Variants in PTPRD observed in about 807,000 individuals in gnomAD.
PTPRD encodes protein tyrosine phosphatase receptor type D.
PTPRD carries 34 observed loss-of-function variants against 214.5 expected under a neutral mutation model. That is an observed-to-expected ratio of 0.16 (90% confidence interval 0.12 to 0.21). The LOEUF is 0.21. PTPRD is among the 10% of genes least tolerant of loss of function. The pLI is 1.00. For synonymous variants in PTPRD, 1,128 were observed against 845.7 expected (o/e 1.33, Z -5.79); for missense variants, 2,545 against 2,398.7 (o/e 1.06, Z -1.27).
At chr9:10,482,248 G>A (rs540857835) in intron 2 of PTPRD, among the ~76,000 whole-genome samples, 126 of 152,010 alleles carry the variant, frequency 8.3e-4, no homozygotes, top group African/African-American at 3.0e-3. Flanking sequence ...GCGGGTGCCT[G>A]TAGTCCCAGC....
At chr9:10,610,239 T>A (rs1453650556) in intron 2 of PTPRD, among the ~76,000 whole-genome samples, 1 of 152,178 alleles carries the variant, frequency 6.6e-6, no homozygotes, top group East Asian at 1.9e-4. Flanking sequence ...ATCAAATGCA[T>A]GTGCAAGCTT....
intron 33 of PTPRD, among the ~76,000 whole-genome samples, chr9:8,455,888 A>G (rs2096177973): frequency 6.6e-6 from 1 of 152,204 alleles, no homozygotes; most frequent in East Asian, 1.9e-4. Context: ...TGTTTTGAGT[A>G]TTCATATGCA....
chr9:10,573,137 A>T (rs2068026702), intron 2 of PTPRD, among the ~76,000 whole-genome samples: 1 of 151,780 alleles, frequency 6.6e-6, no homozygotes, highest in South Asian at 2.1e-4. Context: ...TGCCTCCAAC[A>T]CCTCCCCCAC....
chr9:9,867,927 A>G (rs538252672), intron 5 of PTPRD, among the ~76,000 whole-genome samples: 1 of 152,304 alleles, frequency 6.6e-6, no homozygotes, highest in Admixed American at 6.5e-5. Flanking sequence ...GGAGCCAAAC[A>G]TGAGTAAGAC....
intron 3 of PTPRD, among the ~76,000 whole-genome samples, chr9:10,307,714 T>A (rs900668416): frequency 6.6e-6 from 1 of 152,030 alleles, no homozygotes; most frequent in African/African-American, 2.4e-5. Context: ...AAAAGATACA[T>A]CCTTGCCAGC....
intron 18 of PTPRD, among the ~76,000 whole-genome samples, chr9:8,524,339 T>A (rs745989137): frequency 9.2e-5 from 14 of 152,216 alleles, no homozygotes; most frequent in Non-Finnish European, 1.5e-4. Context: ...AAGGTGTACA[T>A]ATGTGCACAT....
intron 10 of PTPRD, among the ~76,000 whole-genome samples, chr9:9,062,507 C>T (rs912036391): frequency 2.0e-5 from 3 of 152,060 alleles, no homozygotes; most frequent in Non-Finnish European, 4.4e-5. Flanking sequence ...GAAAAACAGG[C>T]ATTATCTTTT....
At chr9:8,890,404 A>AG in intron 11 of PTPRD, among the ~76,000 whole-genome samples, 1 of 152,332 alleles carries the variant, frequency 6.6e-6, no homozygotes, top group Non-Finnish European at 1.5e-5. Context: ...TATTGGCCTC[A>AG]GGCAAGAATC....
intron 7 of PTPRD, among the ~76,000 whole-genome samples, chr9:9,591,432 A>G (rs570854563): frequency 6.6e-6 from 1 of 152,114 alleles, no homozygotes; most frequent in South Asian, 2.1e-4. Flanking sequence ...AGGGAGGAAC[A>G]CAACACTGCC....
At chr9:9,072,748 G>T (rs746955519) in intron 10 of PTPRD, among the ~76,000 whole-genome samples, 1 of 152,154 alleles carries the variant, frequency 6.6e-6, no homozygotes, top group African/African-American at 2.4e-5. Context: ...CGAAAGTGAA[G>T]TGATCTTAAG....
At chr9:9,901,295 A>T (rs1482219359) in intron 5 of PTPRD, among the ~76,000 whole-genome samples, 1 of 152,222 alleles carries the variant, frequency 6.6e-6, no homozygotes, top group Non-Finnish European at 1.5e-5. Flanking sequence ...AGAGTTCATT[A>T]ATGTTTTCTT....
At chr9:8,635,229 T>C (rs995106838) in intron 13 of PTPRD, among the ~76,000 whole-genome samples, 1 of 151,458 alleles carries the variant, frequency 6.6e-6, no homozygotes, top group African/African-American at 2.4e-5. Context: ...GCAGAGATCA[T>C]GCTGTGAAAT....
intron 11 of PTPRD, among the ~76,000 whole-genome samples, chr9:8,873,024 T>A (rs928636052): frequency 2.6e-5 from 4 of 152,234 alleles, no homozygotes; most frequent in African/African-American, 9.6e-5. Flanking sequence ...AGTTTTGGAA[T>A]ACTTACAATC....
chr9:8,870,714 A>ACACACACACACACACACACACACG (rs1555457922), intron 11 of PTPRD, among the ~76,000 whole-genome samples: 31 of 150,086 alleles, frequency 2.1e-4, no homozygotes, highest in East Asian at 1.0e-3. Context: ...ACACACACAC[A>ACACACACACACACACACACACACG]CACACACACA....
chr9:10,194,088 G>C (rs949651861), intron 3 of PTPRD, among the ~76,000 whole-genome samples: 1 of 151,788 alleles, frequency 6.6e-6, no homozygotes, highest in Non-Finnish European at 1.5e-5. Flanking sequence ...TCAAAGCAAC[G>C]TTCAGCCAAA....
chr9:9,019,339 CGAAA>C lies in PTPRD; in HGVS notation c.-142-608_-142-605del, dbSNP rs1240071896. On this transcript the variant is annotated intron_variant, in intron 10 of 45. Coordinates refer to ENST00000381196, the MANE Select transcript of PTPRD (RefSeq NM_002839.4). ...AAGAAAGAAAGAAAGAAAGAAAGAA[CGAAA>C]GAAAGAAAGAAAGAAAGAATCTGAA... Among the ~76,000 whole-genome samples the C allele has an allele frequency of 5.6e-4, 33 of 59,284 alleles. No homozygotes were observed. The Admixed American group carries it at 6.0e-3, about 11-fold the overall frequency. 38.9% of individuals were successfully genotyped at this position (59,284 alleles called of 152,430 possible).
intron 9 of PTPRD, among the ~76,000 whole-genome samples, chr9:9,317,138 G>A (rs1963674353): frequency 6.6e-6 from 1 of 152,134 alleles, no homozygotes; most frequent in Non-Finnish European, 1.5e-5. Context: ...TTCTCTGAAA[G>A]TACATAAGAT....
intron 25 of PTPRD, among the ~76,000 whole-genome samples, chr9:8,499,117 A>G (rs1350093032): frequency 1.3e-5 from 2 of 152,116 alleles, no homozygotes; most frequent in Non-Finnish European, 2.9e-5. Context: ...AACGATCTTC[A>G]TTTGCTGGGA....
intron 8 of PTPRD, among the ~76,000 whole-genome samples, chr9:9,522,682 G>GA (rs1467699502): frequency 1.3e-5 from 2 of 151,894 alleles, no homozygotes; most frequent in Admixed American, 1.3e-4. Flanking sequence ...TAATAAAAAA[G>GA]AAAAAATAAA....
Sources: allele counts gnomAD v4.1 joint callset (sites outside exome capture counted in the v4.1 genomes callset), GRCh38; gene constraint gnomAD v4.1.1; transcripts MANE v1.5; gene names NCBI Gene and HGNC (gene_info 2026-07-23, HGNC 2026-07-21).